RFTN1: variants seen among roughly 807,000 people sequenced by gnomAD.
RFTN1 encodes the protein raftlin.
A neutral mutation model predicts 46.5 loss-of-function variants in RFTN1; 26 were observed. That is an observed-to-expected ratio of 0.56 (90% CI 0.41 to 0.78). The LOEUF (loss-of-function observed/expected upper bound fraction) is 0.78. RFTN1 is among the 30% of genes least tolerant of loss of function. The pLI is 0.00. For missense variants in RFTN1, 693 were observed against 718.7 expected, an observed-to-expected ratio of 0.96 and a Z score of 0.41; for synonymous variants, 261 against 284.2, an observed-to-expected ratio of 0.92 and a Z score of 0.82.
At position 16,512,913 on chromosome 3, in the gene RFTN1, G is replaced by T. The variant is rs1693726410; in HGVS notation, c.-9+529C>A. 1 of 152,216 alleles carries T rather than the reference G, an allele frequency of 6.6e-6. No individual in the cohort carries two copies. The highest frequency in any genetic ancestry group is 1.5e-5 in the Non-Finnish European group (1 of 68,136). 9.4% of individuals were successfully genotyped at this position (152,216 alleles called of 1,614,324 possible). On this transcript the variant is annotated intron_variant, in intron 1 of 9. Coordinates refer to ENST00000334133, the MANE Select transcript of RFTN1 (RefSeq NM_015150.2). This position sits in a 1 kb window ranked among gnomAD's most constrained non-coding sequence, Gnocchi z 4.3. ...TACACGTCCAGCACCTCTGTCCCCA[G>T]AGCAAACCCACCTCCCAGGGCACAC... is the stretch of plus-strand genomic sequence containing the variant.
intron 2 of RFTN1, among the ~76,000 whole-genome samples, chr3:16,476,124 C>A (rs1005147396): frequency 6.6e-6 from 1 of 152,144 alleles, no homozygotes; most frequent in African/African-American, 2.4e-5. Flanking sequence ...TGTGGTGGGG[C>A]GAGGACTGTG....
At chr3:16,501,989 C>T (rs1228537117) in intron 1 of RFTN1, among the ~76,000 whole-genome samples, 1 of 152,156 alleles carries the variant, frequency 6.6e-6, no homozygotes, top group Admixed American at 6.5e-5. Flanking sequence ...AAAATCCATA[C>T]TTTTGAAAAA....
chr3:16,317,481 G>A lies in RFTN1; in HGVS notation c.1333-249C>T, dbSNP rs941697913. Among the ~76,000 whole-genome samples, 1 of 152,142 alleles carries A rather than the reference G, an allele frequency of 6.6e-6. No individual in the cohort carries two copies. The highest frequency in any genetic ancestry group is 1.5e-5 in the Non-Finnish European group (1 of 68,020). ...AGATTTCAGGTTCTGTTGGGGCAGAGCAGTATTTCTTTTGACTGGCTCTAT... is the reference window on the plus strand; with the variant it reads ...AGATTTCAGGTTCTGTTGGGGCAGAACAGTATTTCTTTTGACTGGCTCTAT... On this transcript the variant is annotated intron_variant, in intron 9 of 9. Coordinates refer to ENST00000334133, the MANE Select transcript of RFTN1 (RefSeq NM_015150.2). The surrounding 1 kb of genome is among the most constrained non-coding windows in gnomAD (Gnocchi z 4.3).
At position 16,316,397 on chromosome 3, in the gene RFTN1, G is replaced by A. The variant is rs544975035; in HGVS notation, c.*431C>T. 104 of 204,452 alleles carry A rather than the reference G, an allele frequency of 5.1e-4. No individual in the cohort carries two copies. The highest frequency in any genetic ancestry group is 2.1e-3 in the African/African-American group (88 of 41,968). The allele number at this position is 204,452 out of a possible 1,614,324, so 12.7% of individuals were successfully genotyped here. A position where few individuals can be genotyped will look rare whatever the true frequency, so the allele number is the denominator to read the frequency against. On this transcript the variant is annotated 3_prime_UTR_variant, in exon 10 of 10. Coordinates refer to ENST00000334133, the MANE Select transcript of RFTN1 (RefSeq NM_015150.2). The surrounding 1 kb of genome is among the most constrained non-coding windows in gnomAD (Gnocchi z 4.5). ...GGAGTTGTTAAGTCACCAAGTAGCTGCAGGGGATGGACACTGCCCCACACG... is the reference window on the plus strand; with the variant it reads ...GGAGTTGTTAAGTCACCAAGTAGCTACAGGGGATGGACACTGCCCCACACG...
At chr3:16,482,894 A>AT in intron 2 of RFTN1, 1 of 1,474,776 alleles carries the variant, frequency 6.8e-7, no homozygotes, top group Non-Finnish European at 9.1e-7. Context: ...GTGAGCTTAA[A>AT]TTTGCGGAAA....
chr3:16,437,547 C>T (rs1336479089), intron 2 of RFTN1, among the ~76,000 whole-genome samples: 1 of 151,960 alleles, frequency 6.6e-6, no homozygotes. Context: ...GTAGTGCCAG[C>T]TACTAGGGAG....
Position 16,451,328 on chromosome 3 carries a change from T to A in RFTN1, c.146-17291A>T, listed in dbSNP as rs767973080. 1.3e-5 allele frequency among the ~76,000 whole-genome samples: 2 copies of A among 152,128 alleles called. No individual in the cohort carries two copies. Among genetic ancestry groups the A allele is most frequent in the Non-Finnish European group, 2.9e-5 (2 of 68,014 alleles). On this transcript the variant is annotated intron_variant, in intron 2 of 9. Transcript: ENST00000334133. The surrounding 1 kb of genome is among the most constrained non-coding windows in gnomAD (Gnocchi z 4.2). ...CAGATCCCCCAAAGCCTTCATTCCT[T>A]CCAGGACACATGGTAGATGCCCCTG... is the stretch of plus-strand genomic sequence containing the variant.
At chr3:16,496,029 T>C (rs1001425585) in intron 1 of RFTN1, among the ~76,000 whole-genome samples, 5 of 152,254 alleles carry the variant, frequency 3.3e-5, no homozygotes, top group African/African-American at 9.6e-5. Flanking sequence ...ATTTTGACAA[T>C]GTGGGCTATA....
At chr3:16,487,337 G>T (rs933748125) in intron 2 of RFTN1, among the ~76,000 whole-genome samples, 4 of 152,128 alleles carry the variant, frequency 2.6e-5, no homozygotes, top group African/African-American at 7.2e-5. Context: ...ATGATAAAAT[G>T]GTACATTGTT....
At chr3:16,388,271 G>A (rs1397998082) in intron 4 of RFTN1, among the ~76,000 whole-genome samples, 1 of 152,168 alleles carries the variant, frequency 6.6e-6, no homozygotes, top group Admixed American at 6.5e-5. Context: ...GCTCTATGAG[G>A]ACAGGCAGTT....
In RFTN1 at chr3:16,376,611, A is replaced by C. The variant is rs1312835543; in HGVS notation, c.826+1107T>G. Among the ~76,000 whole-genome samples, 1 of 152,250 alleles carries C rather than the reference A, an allele frequency of 6.6e-6. No homozygotes were observed. Among genetic ancestry groups the C allele is most frequent in the East Asian group, 1.9e-4 (1 of 5,200 alleles). Reference sequence around the variant, plus strand: ...CATGAGGGCAGCAGGCATGTGCCTCAAACAGCGAAAAATCACACAGATGAA... The same window carrying C: ...CATGAGGGCAGCAGGCATGTGCCTCCAACAGCGAAAAATCACACAGATGAA... On this transcript the variant is annotated intron_variant, in intron 5 of 9. Transcript: ENST00000334133. The surrounding 1 kb of genome is among the most constrained non-coding windows in gnomAD (Gnocchi z 4.7).
At position 16,336,506 on chromosome 3, in the gene RFTN1, C is replaced by T. The variant is rs901254999; in HGVS notation, c.1147-9630G>A. On this transcript the variant is annotated intron_variant, in intron 7 of 9. Transcript: ENST00000334133. This position sits in a 1 kb window ranked among gnomAD's most constrained non-coding sequence, Gnocchi z 6.0. ...CCTCTGCGGGAGGGAGGGACAGGCA[C>T]GCTGGCCGGCTAGAGATGTTGTTTT... Among the ~76,000 whole-genome samples the T allele has an allele frequency of 2.0e-5, 3 of 152,192 alleles. No homozygotes were observed. Among genetic ancestry groups the T allele is most frequent in the African/African-American group, 7.2e-5 (3 of 41,448 alleles).
chr3:16,316,452 A>T lies in RFTN1; in HGVS notation c.*376T>A, dbSNP rs115949587. 9,305 of 290,188 alleles carry T rather than the reference A, an allele frequency of 0.032. 222 individuals carry two copies. The highest frequency in any genetic ancestry group is 0.088 in the Middle Eastern group (78 of 890). 18.0% of individuals were successfully genotyped at this position (290,188 alleles called of 1,614,324 possible). A position where few individuals can be genotyped will look rare whatever the true frequency, so the allele number is the denominator to read the frequency against. ...GGGATGAACAGCAGCCTTGGTTTGT[A>T]GCCCAGGGTGTCCATGGATTTGACC... On this transcript the variant is annotated 3_prime_UTR_variant, in exon 10 of 10. Transcript: ENST00000334133. This position sits in a 1 kb window ranked among gnomAD's most constrained non-coding sequence, Gnocchi z 4.5.
In RFTN1 at chr3:16,323,468, C is replaced by T. The variant is rs372312509; in HGVS notation, c.1251-11G>A. ...GATACACTCCCCTCGCTGTAACACA[C>T]GGAGCTGAGAATGAGCCACTTTATG... is the stretch of plus-strand genomic sequence containing the variant. On this transcript the variant is annotated splice_polypyrimidine_tract_variant and intron_variant, in intron 8 of 9. Transcript: ENST00000334133. 198 of 1,606,160 alleles carry T rather than the reference C, an allele frequency of 1.2e-4. 1 individual carries two copies. In the African/African-American group the frequency reaches 1.9e-3, roughly 15 times the overall value.
At chr3:16,419,216 G>T (rs1378730486) in intron 3 of RFTN1, among the ~76,000 whole-genome samples, 2 of 152,214 alleles carry the variant, frequency 1.3e-5, no homozygotes, top group Non-Finnish European at 2.9e-5. Flanking sequence ...ACGTGTGGGT[G>T]AATCCACTGT....
At position 16,513,202 on chromosome 3, in the gene RFTN1, G is replaced by C. The variant is rs1693742222; in HGVS notation, c.-9+240C>G. The C allele has an allele frequency of 6.6e-6, 1 of 152,638 alleles. No homozygotes were observed. Among genetic ancestry groups the C allele is most frequent in the African/African-American group, 2.4e-5 (1 of 41,414 alleles). The allele number at this position is 152,638 out of a possible 1,614,324, so 9.5% of individuals were successfully genotyped here. A position where few individuals can be genotyped will look rare whatever the true frequency, so the allele number is the denominator to read the frequency against. ...CTCCAGGAATGACTCCCCTACACCC[G>C]TTCCCCGCAAAAAAAAGTTGGCCCA... On this transcript the variant is annotated intron_variant, in intron 1 of 9. Transcript: ENST00000334133. This position sits in a 1 kb window ranked among gnomAD's most constrained non-coding sequence, Gnocchi z 5.4.
intron 3 of RFTN1, among the ~76,000 whole-genome samples, chr3:16,430,235 C>T (rs142633784): frequency 7.6e-4 from 116 of 152,144 alleles, no homozygotes; most frequent in African/African-American, 2.5e-3. Context: ...CTCAGCCTCC[C>T]GGGTAGCTGG....
Position 16,512,726 on chromosome 3 carries a change from T to C in RFTN1, c.-9+716A>G, listed in dbSNP as rs1377519687. On this transcript the variant is annotated intron_variant, in intron 1 of 9. Coordinates refer to ENST00000334133, the MANE Select transcript of RFTN1 (RefSeq NM_015150.2). The surrounding 1 kb of genome is among the most constrained non-coding windows in gnomAD (Gnocchi z 4.3). ...TCCTCCTCGCCCAGACCCATATCCA[T>C]CCTGGCGTCCCTTGAGTCTAGAGAA... 6.6e-6 allele frequency: 1 copy of C among 152,372 alleles called. No individual in the cohort carries two copies. Among genetic ancestry groups the C allele is most frequent in the African/African-American group, 2.4e-5 (1 of 41,432 alleles). 9.4% of individuals were successfully genotyped at this position (152,372 alleles called of 1,614,324 possible). A position where few individuals can be genotyped will look rare whatever the true frequency, so the allele number is the denominator to read the frequency against.
At chr3:16,371,131 C>T (rs2073481776) in intron 5 of RFTN1, among the ~76,000 whole-genome samples, 1 of 152,240 alleles carries the variant, frequency 6.6e-6, no homozygotes, top group Admixed American at 6.5e-5. Context: ...AAAAGTCTTG[C>T]TTACACAGGC....
Sources: gnomAD v4.1 joint callset for allele counts (sites outside exome capture counted in the v4.1 genomes callset) on GRCh38, gnomAD v4.1.1 for gene constraint, Gnocchi (gnomAD v3.1) non-coding constraint, MANE v1.5 for transcripts, NCBI Gene and HGNC (gene_info 2026-07-23, HGNC 2026-07-21) for gene names.